The following ARHGAP15 variants were observed in gnomAD, a reference collection of about 807,000 sequenced individuals.
The protein encoded by ARHGAP15 is rho GTPase-activating protein 15.
Under a neutral mutation model 63.7 loss-of-function variants are expected in ARHGAP15, and 51 were observed. The observed-to-expected ratio is 0.80, with a 90% confidence interval of 0.64 to 1.01. The LOEUF (loss-of-function observed/expected upper bound fraction) is 1.01. ARHGAP15 is among the 50% of genes least tolerant of loss of function. ARHGAP15 has a pLI of 0.00. For synonymous variants in ARHGAP15, 191 were observed against 193.8 expected (o/e 0.99, Z 0.12); for missense variants, 560 against 564.6 (o/e 0.99, Z 0.08).
intron 6 of ARHGAP15, among the ~76,000 whole-genome samples, chr2:143,329,382 G>C (rs1036268623): frequency 1.3e-5 from 2 of 152,226 alleles, no homozygotes; most frequent in African/African-American, 4.8e-5. Context: ...CCTCAAATCA[G>C]AAAACAGCCA....
At chr2:143,670,594 T>C (rs929654411) in intron 12 of ARHGAP15, among the ~76,000 whole-genome samples, 3 of 152,282 alleles carry the variant, frequency 2.0e-5, no homozygotes, top group African/African-American at 7.2e-5. Flanking sequence ...GGCATCCTGC[T>C]CTTTGTTCAG....
In ARHGAP15 at chr2:143,421,742, T is replaced by C. The variant is rs185682382; in HGVS notation, c.475-13859T>C. Among the ~76,000 whole-genome samples the C allele has an allele frequency of 5.3e-5, 8 of 151,466 alleles. No homozygotes were observed. The South Asian group carries it at 6.3e-4, about 12-fold the overall frequency. The stretch of plus-strand genomic sequence containing the variant: ...TTCAATTATATGATATATATACATA[T>C]ATAAATGAACATATGCACATGGTGT... On this transcript the variant is annotated intron_variant, in intron 6 of 13. Coordinates refer to ENST00000295095, the MANE Select transcript of ARHGAP15 (RefSeq NM_018460.4).
At chr2:143,149,878 G>C (rs1039403765) in intron 1 of ARHGAP15, among the ~76,000 whole-genome samples, 2 of 152,030 alleles carry the variant, frequency 1.3e-5, no homozygotes, top group African/African-American at 4.8e-5. Flanking sequence ...TCAGGAAGCA[G>C]AGGAACATTT....
chr2:143,555,698 C>T (rs1005332518), intron 10 of ARHGAP15, among the ~76,000 whole-genome samples: 8 of 152,152 alleles, frequency 5.3e-5, no homozygotes, highest in Middle Eastern at 3.4e-3. Context: ...TTTACCATTT[C>T]GCTAAAGATT....
intron 3 of ARHGAP15, among the ~76,000 whole-genome samples, chr2:143,211,176 C>G (rs1388469607): frequency 6.6e-6 from 1 of 151,606 alleles, no homozygotes; most frequent in Non-Finnish European, 1.5e-5. Context: ...ATAGCAGAGA[C>G]AGTATGGGAA....
intron 13 of ARHGAP15, among the ~76,000 whole-genome samples, chr2:143,728,146 T>A (rs2105477748): frequency 6.6e-6 from 1 of 152,204 alleles, no homozygotes; most frequent in East Asian, 1.9e-4. Context: ...AAGGTCAAGA[T>A]ATCAGCAGGT....
At chr2:143,413,966 T>TGTGTGCGCGCGCGCGCGTGC in intron 6 of ARHGAP15, among the ~76,000 whole-genome samples, 1 of 117,924 alleles carries the variant, frequency 8.5e-6, no homozygotes, top group African/African-American at 3.5e-5. Flanking sequence ...TGTGTGTGTG[T>TGTGTGCGCGCGCGCGCGTGC]GCGCGCTCTC....
chr2:143,706,743 T>TC (rs1684346410), intron 13 of ARHGAP15, among the ~76,000 whole-genome samples: 1 of 152,208 alleles, frequency 6.6e-6, no homozygotes, highest in Non-Finnish European at 1.5e-5. Context: ...GCATCTGCTA[T>TC]CATAGCTTAA....
chr2:143,281,039 T>C (rs566701511), intron 6 of ARHGAP15, among the ~76,000 whole-genome samples: 3 of 152,274 alleles, frequency 2.0e-5, no homozygotes, highest in South Asian at 2.1e-4. Flanking sequence ...TAAGAACTTA[T>C]GCTTAATCCT....
intron 8 of ARHGAP15, among the ~76,000 whole-genome samples, chr2:143,459,646 TA>T (rs1040144357): frequency 2.6e-5 from 4 of 152,094 alleles, no homozygotes; most frequent in East Asian, 3.9e-4. Context: ...CTTAATTTTT[TA>T]AAAAAAAGAT....
intron 6 of ARHGAP15, among the ~76,000 whole-genome samples, chr2:143,334,914 C>T (rs1684704258): frequency 6.6e-6 from 1 of 152,118 alleles, no homozygotes. Context: ...CTTCAGATCT[C>T]GACTTTGCTA....
intron 6 of ARHGAP15, chr2:143,435,155 G>A (rs935234929): frequency 1.8e-5 from 11 of 603,378 alleles, no homozygotes; most frequent in Middle Eastern, 1.7e-3. Context: ...TAAATAAACT[G>A]TTTTAGAGCT....
intron 6 of ARHGAP15, among the ~76,000 whole-genome samples, chr2:143,268,356 T>C (rs1161780407): frequency 6.6e-6 from 1 of 152,126 alleles, no homozygotes; most frequent in African/African-American, 2.4e-5. Context: ...TTGAAAAATT[T>C]ACACCTTCTG....
intron 9 of ARHGAP15, among the ~76,000 whole-genome samples, chr2:143,496,609 ATACTT>A (rs1399999968): frequency 1.3e-5 from 2 of 152,222 alleles, no homozygotes; most frequent in African/African-American, 4.8e-5. Context: ...GTAACTCACT[ATACTT>A]TATGTGTTAG....
In ARHGAP15 at chr2:143,519,344, T is replaced by C. The variant is rs1279676304; in HGVS notation, c.905T>C (p.Ile302Thr). 6.2e-6 allele frequency: 10 copies of C among 1,612,554 alleles called. No homozygotes were observed. The highest frequency in any genetic ancestry group is 8.5e-6 in the Non-Finnish European group (10 of 1,178,930). Residue 302 changes from isoleucine (I) to threonine (T), a missense_variant, in exon 10 of 14, where the codon ATT (isoleucine) becomes ACT (threonine). Coordinates refer to ENST00000295095, the MANE Select transcript of ARHGAP15 (RefSeq NM_018460.4). Reference protein sequence around the residue: ...STVPWFVKQCIEAVEKRGLDV... With the variant: ...STVPWFVKQCTEAVEKRGLDV... ...GTTCCGTGGTTTGTAAAGCAATGCATTGAAGCTGTTGAGAAAAGAGGTGGG... is the reference window on the plus strand; with the variant it reads ...GTTCCGTGGTTTGTAAAGCAATGCACTGAAGCTGTTGAGAAAAGAGGTGGG...
At chr2:143,434,829 C>T (rs1275077016) in intron 6 of ARHGAP15, among the ~76,000 whole-genome samples, 1 of 152,054 alleles carries the variant, frequency 6.6e-6, no homozygotes, top group Non-Finnish European at 1.5e-5. Context: ...AAGAGTATTG[C>T]TCTGTTTCTG....
chr2:143,159,063 T>C (rs892217061), intron 2 of ARHGAP15, among the ~76,000 whole-genome samples: 3 of 151,884 alleles, frequency 2.0e-5, no homozygotes, highest in Non-Finnish European at 4.4e-5. Context: ...ACAACGTGTA[T>C]GAATATTCAC....
intron 6 of ARHGAP15, among the ~76,000 whole-genome samples, chr2:143,253,449 T>C (rs1332354042): frequency 6.6e-6 from 1 of 152,066 alleles, no homozygotes; most frequent in Non-Finnish European, 1.5e-5. Flanking sequence ...AAATTTTCCT[T>C]CCTAGTTGAA....
At chr2:143,666,105 C>A (rs1433306109) in intron 12 of ARHGAP15, among the ~76,000 whole-genome samples, 1 of 151,512 alleles carries the variant, frequency 6.6e-6, no homozygotes, top group Non-Finnish European at 1.5e-5. Context: ...GAGCCCACAT[C>A]CCCAAGGCAA....
Sources: gnomAD v4.1 joint callset for allele counts (sites outside exome capture counted in the v4.1 genomes callset) on GRCh38, gnomAD v4.1.1 for gene constraint, MANE v1.5 for transcripts, NCBI Gene and HGNC (gene_info 2026-07-23, HGNC 2026-07-21) for gene names.